The following ARHGAP24 variants were observed in gnomAD, a reference collection of about 807,000 sequenced individuals.
ARHGAP24 encodes Rho GTPase activating protein 24.
In ARHGAP24, 50 loss-of-function variants were observed where a neutral mutation model predicts 76.4. The ratio of observed to expected loss-of-function variants is 0.65; its 90% CI spans 0.52 to 0.83. The LOEUF is 0.83. Among genes scored for constraint, ARHGAP24 ranks in the 40% least tolerant of loss-of-function variants. ARHGAP24 has a pLI of 0.00. For missense variants in ARHGAP24, 930 were observed against 914.2 expected, an observed-to-expected ratio of 1.02 and a Z score of -0.22; for synonymous variants, 345 against 323.3, an observed-to-expected ratio of 1.07 and a Z score of -0.72.
intron 3 of ARHGAP24, among the ~76,000 whole-genome samples, chr4:85,872,312 A>G (rs112176342): frequency 2.0e-5 from 3 of 151,530 alleles, no homozygotes; most frequent in Non-Finnish European, 2.9e-5. Context: ...TTTTTTTTTA[A>G]TGGAGACAAA....
At chr4:85,843,979 GC>G (rs1486927015) in intron 3 of ARHGAP24, among the ~76,000 whole-genome samples, 2 of 152,082 alleles carry the variant, frequency 1.3e-5, no homozygotes, top group Non-Finnish European at 2.9e-5. Flanking sequence ...GACACAAAAA[GC>G]CCTAAAACAT....
chr4:85,684,314 T>C (rs1723340845), intron 2 of ARHGAP24, among the ~76,000 whole-genome samples: 1 of 152,216 alleles, frequency 6.6e-6, no homozygotes, highest in Non-Finnish European at 1.5e-5. Flanking sequence ...TAATGAATTA[T>C]GAGATGATAT....
At chr4:85,979,135 T>C (rs893232177) in intron 8 of ARHGAP24, among the ~76,000 whole-genome samples, 6 of 152,208 alleles carry the variant, frequency 3.9e-5, no homozygotes, top group African/African-American at 1.4e-4. Context: ...AGTTAGGACC[T>C]GGATAAAATC....
At chr4:85,538,658 T>C (rs1325250322) in intron 1 of ARHGAP24, among the ~76,000 whole-genome samples, 3 of 152,304 alleles carry the variant, frequency 2.0e-5, no homozygotes, top group East Asian at 3.9e-4. Context: ...CCATGACTCA[T>C]TGACTTTGAG....
rs548388169 is a variant in ARHGAP24 at position 85,511,065 on chromosome 4, T to C, written c.-21+35506T>C. The stretch of plus-strand genomic sequence containing the variant: ...CCCATAAAATACAAAGAATCCTTTT[T>C]GAAAATGAAAATTGCTTCAGAATAA... On this transcript the variant is annotated intron_variant, in intron 1 of 9. Coordinates refer to ENST00000395184, the MANE Select transcript of ARHGAP24 (RefSeq NM_001025616.3). Among the ~76,000 whole-genome samples, 3 of 152,328 alleles carry C rather than the reference T, an allele frequency of 2.0e-5. No individual in the cohort carries two copies. The East Asian group carries it at 5.8e-4, about 29-fold the overall frequency.
At chr4:85,942,328 C>T in intron 5 of ARHGAP24, 55 bp downstream of exon 5, 5 of 1,581,906 alleles carry the variant, frequency 3.2e-6, no homozygotes, top group Non-Finnish European at 4.3e-6. Flanking sequence ...ACTCAACTGA[C>T]AGGATGCAGT....
At chr4:85,483,238 T>C (rs1722884524) in intron 1 of ARHGAP24, among the ~76,000 whole-genome samples, 1 of 152,094 alleles carries the variant, frequency 6.6e-6, no homozygotes, top group Non-Finnish European at 1.5e-5. Context: ...CTAACAGTGG[T>C]CATAAAATCA....
chr4:85,699,452 G>C (rs1352348194), intron 2 of ARHGAP24, among the ~76,000 whole-genome samples: 1 of 152,034 alleles, frequency 6.6e-6, no homozygotes, highest in Non-Finnish European at 1.5e-5. Flanking sequence ...TTTCAAAAAA[G>C]TTAGCCAGAT....
chr4:85,674,882 G>A lies in ARHGAP24; in HGVS notation c.181-47003G>A, dbSNP rs368298126. ...TCTGAGAGTTCCTTATGGATTATGG[G>A]GACAAAAACAAAGCCAAAAATAGCC... On this transcript the variant is annotated intron_variant, in intron 2 of 9. Coordinates refer to ENST00000395184, the MANE Select transcript of ARHGAP24 (RefSeq NM_001025616.3). Among the ~76,000 whole-genome samples, 7 of 152,160 alleles carry A rather than the reference G, an allele frequency of 4.6e-5. No homozygotes were observed. The East Asian group carries it at 1.4e-3, about 29-fold the overall frequency.
chr4:85,751,159 A>G (rs1165554839), intron 3 of ARHGAP24, among the ~76,000 whole-genome samples: 2 of 152,236 alleles, frequency 1.3e-5, no homozygotes, highest in Non-Finnish European at 2.9e-5. Flanking sequence ...GTCAATTTAT[A>G]GAATATATTG....
intron 5 of ARHGAP24, among the ~76,000 whole-genome samples, chr4:85,966,359 G>T (rs1400542939): frequency 1.1e-4 from 16 of 152,242 alleles, no homozygotes; most frequent in African/African-American, 3.9e-4. Flanking sequence ...CTTTAAACCA[G>T]GATAATTCTA....
intron 2 of ARHGAP24, among the ~76,000 whole-genome samples, chr4:85,600,355 G>A (rs1719991477): frequency 6.6e-6 from 1 of 152,088 alleles, no homozygotes; most frequent in African/African-American, 2.4e-5. Context: ...TTTAAGAAAG[G>A]GAGTGACATG....
intron 1 of ARHGAP24, among the ~76,000 whole-genome samples, chr4:85,557,315 C>A (rs1467409913): frequency 1.3e-5 from 2 of 152,248 alleles, no homozygotes; most frequent in African/African-American, 4.8e-5. Context: ...ATTGCTGGAC[C>A]TGCAGCCACT....
intron 3 of ARHGAP24, among the ~76,000 whole-genome samples, chr4:85,789,299 C>T (rs1728006513): frequency 6.7e-6 from 1 of 150,180 alleles, no homozygotes; most frequent in South Asian, 2.1e-4. Flanking sequence ...AGATGCATGC[C>T]CATAAATGGC....
At chr4:85,776,107 A>G (rs1305401073) in intron 3 of ARHGAP24, among the ~76,000 whole-genome samples, 1 of 152,128 alleles carries the variant, frequency 6.6e-6, no homozygotes. Flanking sequence ...ATTAGAATCT[A>G]GTAGCTGTTC....
At chr4:85,842,186 T>C (rs1400404487) in intron 3 of ARHGAP24, among the ~76,000 whole-genome samples, 1 of 152,230 alleles carries the variant, frequency 6.6e-6, no homozygotes, top group Non-Finnish European at 1.5e-5. Flanking sequence ...AATGTATTCT[T>C]TGCCCCCCCG....
At chr4:85,997,608 C>A (rs549830796) in intron 9 of ARHGAP24, among the ~76,000 whole-genome samples, 2 of 150,234 alleles carry the variant, frequency 1.3e-5, no homozygotes, top group South Asian at 4.3e-4. Flanking sequence ...AACATATATT[C>A]TTTTTCCCTC....
chr4:85,926,675 T>C (rs1245604396), intron 4 of ARHGAP24, among the ~76,000 whole-genome samples: 1 of 152,216 alleles, frequency 6.6e-6, no homozygotes, highest in Non-Finnish European at 1.5e-5. Context: ...TATGTTACAC[T>C]GTGTATTACG....
chr4:85,685,901 G>A (rs920395775), intron 2 of ARHGAP24, among the ~76,000 whole-genome samples: 3 of 152,238 alleles, frequency 2.0e-5, no homozygotes, highest in Non-Finnish European at 2.9e-5. Context: ...CCAATTGGCA[G>A]TAGCTGAAGT....
Sources: allele counts gnomAD v4.1 joint callset (sites outside exome capture counted in the v4.1 genomes callset), GRCh38; gene constraint gnomAD v4.1.1; transcripts MANE v1.5; gene names NCBI Gene and HGNC (gene_info 2026-07-23, HGNC 2026-07-21).